Variants in GRM5 observed in about 807,000 individuals in gnomAD.
GRM5 encodes the protein metabotropic glutamate receptor 5.
GRM5 carries 19 observed loss-of-function variants against 83.1 expected under a neutral mutation model. The ratio of observed to expected loss-of-function variants is 0.23; its 90% CI spans 0.16 to 0.34. The LOEUF (loss-of-function observed/expected upper bound fraction) is 0.34. Among genes scored for constraint, GRM5 ranks in the 10% least tolerant of loss-of-function variants. The pLI, the probability that GRM5 is intolerant of heterozygous loss-of-function variation, is 1.00. For missense variants in GRM5, 1,160 were observed against 1,588.3 expected, an observed-to-expected ratio of 0.73 and a Z score of 4.58; for synonymous variants, 675 against 633.6, an observed-to-expected ratio of 1.07 and a Z score of -0.98.
intron 3 of GRM5, among the ~76,000 whole-genome samples, chr11:88,688,442 A>C (rs944421325): frequency 6.6e-5 from 10 of 152,186 alleles, no homozygotes; most frequent in African/African-American, 2.4e-4. Context: ...CCCAGATAAG[A>C]ACTGAGAAAA....
chr11:89,002,918 A>T (rs1433712349), intron 2 of GRM5, among the ~76,000 whole-genome samples: 2 of 151,986 alleles, frequency 1.3e-5, no homozygotes, highest in African/African-American at 4.8e-5. Flanking sequence ...CTAATATTCA[A>T]TTTAGCCTAT....
intron 3 of GRM5, among the ~76,000 whole-genome samples, chr11:88,782,769 A>T (rs1383289035): frequency 6.6e-6 from 1 of 152,112 alleles, no homozygotes; most frequent in Non-Finnish European, 1.5e-5. Context: ...TAAAATATCA[A>T]TTCACATGGT....
intron 2 of GRM5, among the ~76,000 whole-genome samples, chr11:88,988,768 T>C (rs1464936843): frequency 6.8e-6 from 1 of 147,894 alleles, no homozygotes. Flanking sequence ...CTAAGCTTCA[T>C]AAGTGAAGGA....
intron 2 of GRM5, among the ~76,000 whole-genome samples, chr11:88,916,521 T>C (rs1945595272): frequency 6.6e-6 from 1 of 152,092 alleles, no homozygotes; most frequent in Non-Finnish European, 1.5e-5. Flanking sequence ...ACCTGAGCCA[T>C]GGCTAGCACC....
chr11:88,739,754 G>A (rs11021133), intron 3 of GRM5, among the ~76,000 whole-genome samples: 18,239 of 151,900 alleles, frequency 0.12, 1,258 homozygotes, highest in African/African-American at 0.18. Context: ...CATGATTGTC[G>A]GTTTCCTGAG....
At chr11:88,768,475 A>G (rs1942665725) in intron 3 of GRM5, among the ~76,000 whole-genome samples, 4 of 151,890 alleles carry the variant, frequency 2.6e-5, no homozygotes, top group Non-Finnish European at 5.9e-5. Flanking sequence ...TTTAATAGGT[A>G]TAGAGGTTCA....
At chr11:88,632,696 CT>C (rs1939009775) in intron 4 of GRM5, among the ~76,000 whole-genome samples, 1 of 152,142 alleles carries the variant, frequency 6.6e-6, no homozygotes, top group Non-Finnish European at 1.5e-5. Context: ...TCCTTAAATA[CT>C]TAGGAGTAGA....
Position 88,597,167 on chromosome 11 carries a change from CAT to C in GRM5, c.1563+15_1563+16del, listed in dbSNP as rs1937832546. 2.7e-6 allele frequency: 4 copies of C among 1,477,256 alleles called. No homozygotes were observed. The highest frequency in any genetic ancestry group is 2.7e-5 in the South Asian group (2 of 73,906). The allele number at this position is 1,477,256 out of a possible 1,614,324, so 91.5% of individuals were successfully genotyped here. A position where few individuals can be genotyped will look rare whatever the true frequency, so the allele number is the denominator to read the frequency against. ...GAATTTACAACAAAAATGAAAGAAACATAGATTCCATTTTACCTTGATCTGGC... is the reference window on the plus strand; with the variant it reads ...GAATTTACAACAAAAATGAAAGAAACAGATTCCATTTTACCTTGATCTGGC... On this transcript the variant is annotated intron_variant, in intron 6 of 9. Transcript: ENST00000305447.
chr11:88,995,078 C>T (rs1365118638), intron 2 of GRM5, among the ~76,000 whole-genome samples: 1 of 152,054 alleles, frequency 6.6e-6, no homozygotes, highest in East Asian at 1.9e-4. Flanking sequence ...GAGCATGAGC[C>T]TGGTTAGAAA....
intron 7 of GRM5, among the ~76,000 whole-genome samples, chr11:88,570,583 T>A (rs1257720211): frequency 1.1e-4 from 12 of 113,344 alleles, no homozygotes; most frequent in African/African-American, 3.3e-4. Flanking sequence ...TTTTTTTTTT[T>A]TTTTTTTTTT....
At chr11:88,651,547 T>A (rs150987872) in intron 4 of GRM5, among the ~76,000 whole-genome samples, 4 of 152,070 alleles carry the variant, frequency 2.6e-5, no homozygotes, top group Non-Finnish European at 5.9e-5. Flanking sequence ...TAGATAGAAC[T>A]GTTAAAATAT....
At chr11:88,745,936 C>T (rs905567580) in intron 3 of GRM5, among the ~76,000 whole-genome samples, 1 of 152,226 alleles carries the variant, frequency 6.6e-6, no homozygotes, top group Non-Finnish European at 1.5e-5. Context: ...TTTAGTCCGT[C>T]TGTGTCTTGG....
At chr11:88,687,991 C>A (rs1042487739) in intron 3 of GRM5, among the ~76,000 whole-genome samples, 2 of 152,202 alleles carry the variant, frequency 1.3e-5, no homozygotes, top group Admixed American at 1.3e-4. Flanking sequence ...AATTTTTAAT[C>A]TTTTGCTTTC....
At chr11:89,050,837 A>C (rs1420003311) in intron 1 of GRM5, among the ~76,000 whole-genome samples, 1 of 152,202 alleles carries the variant, frequency 6.6e-6, no homozygotes, top group Admixed American at 6.5e-5. Flanking sequence ...CATTAACCTT[A>C]GCAAGTTAAC....
intron 3 of GRM5, among the ~76,000 whole-genome samples, chr11:88,819,566 T>C (rs1473965524): frequency 6.6e-6 from 1 of 152,236 alleles, no homozygotes; most frequent in Non-Finnish European, 1.5e-5. Flanking sequence ...ATGTTGTTAA[T>C]GGCAATAGCA....
intron 2 of GRM5, among the ~76,000 whole-genome samples, chr11:88,905,513 T>C (rs1385178521): frequency 6.6e-6 from 1 of 152,128 alleles, no homozygotes; most frequent in Non-Finnish European, 1.5e-5. Flanking sequence ...GGCTAATTTT[T>C]GTATTTTTAG....
intron 2 of GRM5, among the ~76,000 whole-genome samples, chr11:88,936,604 G>A (rs1323539386): frequency 6.6e-6 from 1 of 151,604 alleles, no homozygotes; most frequent in Non-Finnish European, 1.5e-5. Context: ...CAAGACACAT[G>A]GTAAGAACAA....
At chr11:88,570,571 ATTTTT>A (rs1194098388) in intron 7 of GRM5, among the ~76,000 whole-genome samples, 29 of 46,374 alleles carry the variant, frequency 6.3e-4, no homozygotes, top group South Asian at 2.3e-3. Flanking sequence ...ATATATATAT[ATTTTT>A]TTTTTTTTTT....
chr11:88,986,931 T>G lies in GRM5; in HGVS notation c.661+60281A>C, dbSNP rs1341704125. On this transcript the variant is annotated intron_variant, in intron 2 of 9. Transcript: ENST00000305447. Reference sequence around the variant, plus strand: ...GGCCTGGCATGGTGGCTCATGCCTGTAATCCCATCACTTTGGGAGGCTGAG... The same window carrying G: ...GGCCTGGCATGGTGGCTCATGCCTGGAATCCCATCACTTTGGGAGGCTGAG... Among the ~76,000 whole-genome samples the G allele has an allele frequency of 2.0e-5, 3 of 151,992 alleles. No homozygotes were observed. The South Asian group carries it at 6.2e-4, about 32-fold the overall frequency.
Sources: gnomAD v4.1 joint callset for allele counts (sites outside exome capture counted in the v4.1 genomes callset) on GRCh38, gnomAD v4.1.1 for gene constraint, MANE v1.5 for transcripts, NCBI Gene and HGNC (gene_info 2026-07-23, HGNC 2026-07-21) for gene names.